FBXL13: variants seen among roughly 807,000 people sequenced by gnomAD.
FBXL13 encodes the protein F-box and leucine rich repeat protein 13.
A neutral mutation model predicts 83.6 loss-of-function variants in FBXL13; 67 were observed. The ratio of observed to expected loss-of-function variants is 0.80; its 90% CI spans 0.66 to 0.98. The LOEUF is 0.98. FBXL13 is among the 50% of genes least tolerant of loss of function. The pLI is 0.00. For synonymous variants in FBXL13, 272 were observed against 299.5 expected (o/e 0.91, Z 0.95); for missense variants, 822 against 866.5 (o/e 0.95, Z 0.64).
intron 11 of FBXL13, among the ~76,000 whole-genome samples, chr7:102,886,839 C>G (rs1418058883): frequency 2.6e-5 from 4 of 152,064 alleles, no homozygotes; most frequent in Non-Finnish European, 5.9e-5. Context: ...AGAAAAAATG[C>G]TAAGGGAAGC....
intron 11 of FBXL13, among the ~76,000 whole-genome samples, chr7:102,884,907 C>A (rs1278792783): frequency 6.6e-6 from 1 of 152,074 alleles, no homozygotes; most frequent in African/African-American, 2.4e-5. Flanking sequence ...GCCTTTTGTT[C>A]CTGGCTTCTT....
intron 8 of FBXL13, among the ~76,000 whole-genome samples, chr7:102,957,535 G>T (rs562899837): frequency 6.6e-6 from 1 of 152,244 alleles, no homozygotes; most frequent in Admixed American, 6.5e-5. Flanking sequence ...ATTGACAAAT[G>T]GGATCTAATC....
At chr7:102,952,064 T>C (rs1823508656) in intron 8 of FBXL13, among the ~76,000 whole-genome samples, 1 of 152,114 alleles carries the variant, frequency 6.6e-6, no homozygotes, top group Non-Finnish European at 1.5e-5. Context: ...CCTGACGACA[T>C]TGTGCTAAGT....
intron 18 of FBXL13, among the ~76,000 whole-genome samples, chr7:102,824,679 T>A (rs1799311317): frequency 6.6e-6 from 1 of 151,992 alleles, no homozygotes. Flanking sequence ...AGAGACAGGG[T>A]TTTACCATGT....
chr7:102,884,272 G>T lies in FBXL13; in HGVS notation c.1049C>A (p.Thr350Asn), dbSNP rs376851494. ...ATTAATGGTAAGATGCATAATTCCAGTGCAGCTGTTTGCAATGTACCTGAA... is the reference window on the plus strand; with the variant it reads ...ATTAATGGTAAGATGCATAATTCCATTGCAGCTGTTTGCAATGTACCTGAA... The change falls in exon 12 of 20, where the codon ACT becomes AAT. Residue 350 changes from threonine to asparagine, a missense_variant. Thr to Asn is a moderately conservative substitution (Grantham distance 65). Coordinates refer to ENST00000313221, the Ensembl canonical transcript of FBXL13. 49 of 1,613,782 alleles carry T rather than the reference G, an allele frequency of 3.0e-5. No homozygotes were observed. The African/African-American group carries it at 5.6e-4, about 18-fold the overall frequency.
intron 3 of FBXL13, 109 bp downstream of exon 4, chr7:103,029,242 T>C: frequency 1.6e-6 from 1 of 608,508 alleles, no homozygotes. Context: ...AGAAACATGA[T>C]TAAACAGATA....
intron 2 of FBXL13, among the ~76,000 whole-genome samples, chr7:103,051,081 T>C (rs1339099787): frequency 6.7e-6 from 1 of 149,400 alleles, no homozygotes; most frequent in Non-Finnish European, 1.5e-5. Context: ...TGGAAGGAAC[T>C]TAGTTTTCCA....
chr7:102,942,956 G>A (rs1464061737), intron 8 of FBXL13, among the ~76,000 whole-genome samples: 6 of 152,162 alleles, frequency 3.9e-5, no homozygotes, highest in East Asian at 1.9e-4. Context: ...AGATAACCCA[G>A]GTGTAGATTT....
At chr7:103,039,048 C>G (rs1348828535) in intron 2 of FBXL13, among the ~76,000 whole-genome samples, 1 of 152,116 alleles carries the variant, frequency 6.6e-6, no homozygotes, top group Non-Finnish European at 1.5e-5. Context: ...TGTTCTAACC[C>G]ATCCCAAGGA....
rs775747854 is a variant in FBXL13 at position 102,963,511 on chromosome 7, T to C, written c.724+22A>G. 7.5e-6 allele frequency: 12 copies of C among 1,602,108 alleles called. No homozygotes were observed. The East Asian group carries it at 2.5e-4, about 33-fold the overall frequency. On this transcript the variant is annotated intron_variant, in intron 8 of 19. Coordinates refer to ENST00000313221, the Ensembl canonical transcript of FBXL13. ...TTGTAATACAGGAAAGCAAGACAAA[T>C]AGTTGTAATGAACATACTTACTGAC...
chr7:103,025,596 G>A (rs930365724), intron 5 of FBXL13, among the ~76,000 whole-genome samples: 3 of 152,130 alleles, frequency 2.0e-5, no homozygotes, highest in African/African-American at 7.2e-5. Context: ...AACAAAAAAG[G>A]GAAGTCAGTA....
At chr7:103,068,942 G>A (rs555724141) in intron 1 of FBXL13, among the ~76,000 whole-genome samples, 2 of 152,238 alleles carry the variant, frequency 1.3e-5, no homozygotes, top group Non-Finnish European at 2.9e-5. Context: ...TTAAAGTTGA[G>A]GGCCCACGGC....
At chr7:103,008,592 C>G (rs1259483587) in intron 6 of FBXL13, among the ~76,000 whole-genome samples, 2 of 152,106 alleles carry the variant, frequency 1.3e-5, no homozygotes, top group African/African-American at 4.8e-5. Context: ...GAGACTCACT[C>G]TGTCATCCAG....
chr7:103,019,323 A>G (rs987235166), intron 6 of FBXL13, among the ~76,000 whole-genome samples: 4 of 152,258 alleles, frequency 2.6e-5, no homozygotes, highest in African/African-American at 9.6e-5. Context: ...CATTTAAAGC[A>G]GTGAGTAGAG....
At chr7:103,017,588 T>C (rs924907065) in intron 6 of FBXL13, among the ~76,000 whole-genome samples, 7 of 152,096 alleles carry the variant, frequency 4.6e-5, no homozygotes, top group African/African-American at 9.7e-5. Flanking sequence ...AAAGATTAGA[T>C]GAATAGCTAA....
chr7:102,883,447 C>T (rs1003139203), exon 14 of FBXL13: 6 of 1,610,014 alleles, frequency 3.7e-6, no homozygotes, highest in Non-Finnish European at 2.5e-6. Context: ...TTGAAGGATG[C>T]ATCAGTAACC....
At chr7:103,000,487 A>G (rs576857800) in intron 6 of FBXL13, among the ~76,000 whole-genome samples, 8 of 152,336 alleles carry the variant, frequency 5.3e-5, no homozygotes, top group African/African-American at 1.9e-4. Context: ...ATTTGTTGAG[A>G]CTTGGTTTAT....
chr7:103,063,935 T>C (rs192392944), intron 1 of FBXL13, among the ~76,000 whole-genome samples: 4 of 152,332 alleles, frequency 2.6e-5, no homozygotes, highest in Non-Finnish European at 4.4e-5. Flanking sequence ...CTCAACTTAA[T>C]ACGTACTCTA....
intron 8 of FBXL13, 121 bp from the exon 10 acceptor site, chr7:102,932,054 C>A: frequency 2.2e-6 from 2 of 889,164 alleles, no homozygotes; most frequent in Non-Finnish European, 3.4e-6. Flanking sequence ...TGGCAAGTAA[C>A]ATGTTCTAAG....
Sources: allele counts gnomAD v4.1 joint callset (sites outside exome capture counted in the v4.1 genomes callset), GRCh38; gene constraint gnomAD v4.1.1; transcripts MANE v1.5; gene names NCBI Gene and HGNC (gene_info 2026-07-23, HGNC 2026-07-21).